Variants in GALNT13 observed in about 807,000 individuals in gnomAD.
GALNT13 encodes the protein UDP-GalNAc:polypeptide N-acetylgalactosaminyltransferase 13.
GALNT13 carries 28 observed loss-of-function variants against 64.2 expected under a neutral mutation model. The ratio of observed to expected loss-of-function variants is 0.44; its 90% CI spans 0.32 to 0.60. The LOEUF is 0.60. Among genes scored for constraint, GALNT13 ranks in the 20% least tolerant of loss-of-function variants. GALNT13 has a pLI of 0.05. For missense variants in GALNT13, 577 were observed against 669.8 expected, an observed-to-expected ratio of 0.86 and a Z score of 1.53; for synonymous variants, 214 against 224.6, an observed-to-expected ratio of 0.95 and a Z score of 0.42.
At chr2:154,438,893 A>C (rs916626587) in intron 12 of GALNT13, among the ~76,000 whole-genome samples, 167 bp downstream of exon 12, 6 of 152,174 alleles carry the variant, frequency 3.9e-5, no homozygotes, top group African/African-American at 1.4e-4. Context: ...TCATATAAAC[A>C]GGTTTCACCA....
At chr2:153,676,570 T>C in the GALNT13 span, among the ~76,000 whole-genome samples, 1 of 152,128 alleles carries the variant, frequency 6.6e-6, no homozygotes, top group Admixed American at 6.6e-5. Context: ...GCAAAAAATG[T>C]CAGGCCAATA....
chr2:153,448,325 T>G, the GALNT13 span, among the ~76,000 whole-genome samples: 1 of 152,200 alleles, frequency 6.6e-6, no homozygotes, highest in Non-Finnish European at 1.5e-5. Flanking sequence ...CTTATTTTTA[T>G]GTGTTTCCTA....
intron 2 of GALNT13, among the ~76,000 whole-genome samples, chr2:153,922,694 C>T (rs180764707): frequency 1.3e-5 from 2 of 152,168 alleles, no homozygotes; most frequent in Non-Finnish European, 2.9e-5. Flanking sequence ...CCCCAGTCCA[C>T]TATCATGTTT....
chr2:153,397,976 G>A, the GALNT13 span, among the ~76,000 whole-genome samples: 11 of 152,024 alleles, frequency 7.2e-5, no homozygotes, highest in African/African-American at 2.7e-4. Context: ...CATTGTGCAG[G>A]TTAGTTACAT....
chr2:153,881,710 T>C (rs978905995), intron 1 of GALNT13, among the ~76,000 whole-genome samples: 1 of 152,198 alleles, frequency 6.6e-6, no homozygotes, highest in Non-Finnish European at 1.5e-5. Context: ...TGCAAATATC[T>C]CAAATAATTT....
At chr2:153,828,092 C>T in the GALNT13 span, among the ~76,000 whole-genome samples, 4 of 152,222 alleles carry the variant, frequency 2.6e-5, no homozygotes, top group African/African-American at 9.6e-5. Flanking sequence ...CCACTGCTGT[C>T]GCTTTGCAGG....
intron 3 of GALNT13, among the ~76,000 whole-genome samples, chr2:154,091,258 A>G (rs1318066031): frequency 6.6e-6 from 1 of 151,980 alleles, no homozygotes; most frequent in Non-Finnish European, 1.5e-5. Flanking sequence ...TTTAATGTGT[A>G]TAAATTTATG....
chr2:153,331,719 C>G, the GALNT13 span, among the ~76,000 whole-genome samples: 4 of 152,080 alleles, frequency 2.6e-5, no homozygotes, highest in African/African-American at 9.7e-5. Context: ...CCCATTGTCT[C>G]AAATGTTAAT....
the GALNT13 span, among the ~76,000 whole-genome samples, chr2:153,434,242 G>C: frequency 1.5e-4 from 23 of 152,224 alleles, no homozygotes; most frequent in East Asian, 3.1e-3. Context: ...TTGGACATTT[G>C]GGTTGGTTCC....
At chr2:154,173,908 TGGAGAAA>T (rs1331683465) in intron 4 of GALNT13, among the ~76,000 whole-genome samples, 1 of 152,002 alleles carries the variant, frequency 6.6e-6, no homozygotes, top group Non-Finnish European at 1.5e-5. Flanking sequence ...GGCACAGATG[TGGAGAAA>T]GGGGAATGCC....
chr2:153,301,929 T>A, the GALNT13 span, among the ~76,000 whole-genome samples: 1 of 151,736 alleles, frequency 6.6e-6, no homozygotes, highest in Non-Finnish European at 1.5e-5. Context: ...TATCACATTT[T>A]CTTTATCTAT....
At chr2:153,234,988 G>C in the GALNT13 span, among the ~76,000 whole-genome samples, 2 of 152,072 alleles carry the variant, frequency 1.3e-5, no homozygotes, top group African/African-American at 4.8e-5. Context: ...CAAACTTTTT[G>C]TTAGTATTAT....
chr2:153,287,647 T>G, the GALNT13 span, among the ~76,000 whole-genome samples: 1 of 152,108 alleles, frequency 6.6e-6, no homozygotes. Flanking sequence ...CTGCTGTCGA[T>G]GACCTGCATT....
At chr2:154,389,456 TAA>T (rs1559128893) in intron 9 of GALNT13, among the ~76,000 whole-genome samples, 2 of 152,216 alleles carry the variant, frequency 1.3e-5, no homozygotes, top group Non-Finnish European at 2.9e-5. Flanking sequence ...GTTTATTGAA[TAA>T]AAATAATTTC....
At chr2:153,456,600 C>T in the GALNT13 span, among the ~76,000 whole-genome samples, 3 of 152,326 alleles carry the variant, frequency 2.0e-5, no homozygotes, top group East Asian at 5.8e-4. Flanking sequence ...TTTACTTCCT[C>T]AGTACCTAGC....
the GALNT13 span, among the ~76,000 whole-genome samples, chr2:153,541,171 A>T: frequency 6.6e-6 from 1 of 152,082 alleles, no homozygotes; most frequent in Non-Finnish European, 1.5e-5. Flanking sequence ...CCACCCTGTT[A>T]TCATGATAGA....
the GALNT13 span, among the ~76,000 whole-genome samples, chr2:153,193,301 G>A: frequency 6.6e-6 from 1 of 151,642 alleles, no homozygotes; most frequent in Non-Finnish European, 1.5e-5. Flanking sequence ...CCTTTGTAGA[G>A]ACATGGATGA....
the GALNT13 span, among the ~76,000 whole-genome samples, chr2:153,434,282 A>G: frequency 4.6e-5 from 7 of 152,316 alleles, no homozygotes; most frequent in South Asian, 1.0e-3. Context: ...TAGTGCTGCA[A>G]TAAACATACA....
chr2:153,865,026 C>T, the GALNT13 span, among the ~76,000 whole-genome samples: 1 of 149,762 alleles, frequency 6.7e-6, no homozygotes, highest in African/African-American at 2.5e-5. Context: ...ACTATCTGAT[C>T]TTTGACAAAC....
Sources: allele counts gnomAD v4.1 joint callset (sites outside exome capture counted in the v4.1 genomes callset), GRCh38; gene constraint gnomAD v4.1.1; transcripts MANE v1.5; gene names NCBI Gene and HGNC (gene_info 2026-07-23, HGNC 2026-07-21).